KCNH7: variants seen among roughly 807,000 people sequenced by gnomAD.
The protein encoded by KCNH7 is potassium voltage-gated channel subfamily H member 7.
A neutral mutation model predicts 120.8 loss-of-function variants in KCNH7; 49 were observed. The ratio of observed to expected loss-of-function variants is 0.41; its 90% confidence interval spans 0.32 to 0.51. The LOEUF is 0.51. KCNH7 is among the 20% of genes least tolerant of loss of function. The probability of loss-of-function intolerance (pLI) is 0.38; values close to 1 mark genes in which losing one functional copy is unlikely to be tolerated. For missense variants in KCNH7, 1,097 were observed against 1,446.6 expected (o/e 0.76, Z 3.92); for synonymous variants, 547 against 516.1 (o/e 1.06, Z -0.81).
In KCNH7 at chr2:162,689,143, CTAT is replaced by C. The variant is rs148007770; in HGVS notation, c.307+147391_307+147393del. Among the ~76,000 whole-genome samples, 307 of 149,736 alleles carry C rather than the reference CTAT, an allele frequency of 2.1e-3. 1 individual carries two copies. Among genetic ancestry groups the C allele is most frequent in the South Asian group, 5.1e-3 (24 of 4,708 alleles). ...TTCATTATTGTATTACATTTAGTTA[CTAT>C]TATTATTATTATTATTATTATTTGA... On this transcript the variant is annotated intron_variant, in intron 2 of 15. Coordinates refer to ENST00000332142, the MANE Select transcript of KCNH7 (RefSeq NM_033272.4).
At chr2:162,491,202 G>A (rs1281436584) in intron 6 of KCNH7, among the ~76,000 whole-genome samples, 5 of 152,210 alleles carry the variant, frequency 3.3e-5, no homozygotes, top group Non-Finnish European at 7.3e-5. Context: ...AAGATTAAGA[G>A]TTTCTCTCCC....
chr2:162,734,316 A>C (rs1206456495), intron 2 of KCNH7, among the ~76,000 whole-genome samples: 1 of 152,142 alleles, frequency 6.6e-6, no homozygotes, highest in African/African-American at 2.4e-5. Flanking sequence ...TATTATCTGT[A>C]AAAGAATTAA....
chr2:162,644,998 T>G (rs1406247942), intron 2 of KCNH7, among the ~76,000 whole-genome samples: 5 of 152,220 alleles, frequency 3.3e-5, no homozygotes, highest in Non-Finnish European at 5.9e-5. Flanking sequence ...ATTACCATTT[T>G]GCCTACTTAT....
At chr2:162,537,801 A>G (rs944668269) in intron 2 of KCNH7, among the ~76,000 whole-genome samples, 14 of 152,100 alleles carry the variant, frequency 9.2e-5, no homozygotes, top group Non-Finnish European at 2.9e-5. Context: ...AAATGAAATA[A>G]ACAAAGGTAT....
intron 2 of KCNH7, among the ~76,000 whole-genome samples, chr2:162,653,185 T>G (rs893383945): frequency 6.6e-6 from 1 of 152,230 alleles, no homozygotes; most frequent in Non-Finnish European, 1.5e-5. Flanking sequence ...GATACTGTGA[T>G]GAACTCAACA....
intron 6 of KCNH7, among the ~76,000 whole-genome samples, chr2:162,468,216 T>C (rs887993089): frequency 6.6e-6 from 1 of 152,140 alleles, no homozygotes; most frequent in African/African-American, 2.4e-5. Context: ...GGAGTCTGAT[T>C]ACTGGGCATC....
At chr2:162,442,561 A>G (rs1573963655) in intron 7 of KCNH7, among the ~76,000 whole-genome samples, 1 of 152,040 alleles carries the variant, frequency 6.6e-6, no homozygotes, top group Non-Finnish European at 1.5e-5. Flanking sequence ...GCTTTGATGG[A>G]TAGAAAACAT....
chr2:162,556,856 T>A (rs77500826), intron 2 of KCNH7, among the ~76,000 whole-genome samples: 72 of 152,334 alleles, frequency 4.7e-4, no homozygotes, highest in African/African-American at 1.7e-3. Context: ...AGCATTACTA[T>A]GAGGAAACTA....
At chr2:162,546,067 A>T (rs759509175) in intron 2 of KCNH7, among the ~76,000 whole-genome samples, 1 of 152,136 alleles carries the variant, frequency 6.6e-6, no homozygotes, top group Non-Finnish European at 1.5e-5. Context: ...ATCAGGAAGA[A>T]CTCTCACACA....
At chr2:162,823,583 T>C (rs1048428166) in intron 2 of KCNH7, among the ~76,000 whole-genome samples, 2 of 152,226 alleles carry the variant, frequency 1.3e-5, no homozygotes, top group Admixed American at 1.3e-4. Flanking sequence ...TGCCTGGTTA[T>C]ACTATAACAT....
chr2:162,549,803 G>T (rs534041859), intron 2 of KCNH7, among the ~76,000 whole-genome samples: 1 of 152,252 alleles, frequency 6.6e-6, no homozygotes, highest in Non-Finnish European at 1.5e-5. Flanking sequence ...TAATAAAACA[G>T]ATAATATTGT....
In KCNH7 at chr2:162,534,190, C is replaced by T. The variant is rs746433412; in HGVS notation, c.463+2735G>A. Among the ~76,000 whole-genome samples the T allele has an allele frequency of 1.3e-3, 195 of 151,146 alleles. 6 individuals carry two copies. In the Middle Eastern group the frequency reaches 0.018, roughly 14 times the overall value. ...AGATAAAAATATATAGCCTTAAAAT[C>T]ATATACCAAAAAACTGAAAGAATGA... is the stretch of plus-strand genomic sequence containing the variant. On this transcript the variant is annotated intron_variant, in intron 3 of 15. Transcript: ENST00000332142.
intron 2 of KCNH7, among the ~76,000 whole-genome samples, chr2:162,638,879 A>G (rs909345850): frequency 3.3e-5 from 5 of 152,152 alleles, no homozygotes; most frequent in Admixed American, 6.6e-5. Flanking sequence ...GGTGAACTGC[A>G]AGCTATTTTT....
At chr2:162,785,583 T>G (rs571283698) in intron 2 of KCNH7, among the ~76,000 whole-genome samples, 1 of 152,302 alleles carries the variant, frequency 6.6e-6, no homozygotes, top group Non-Finnish European at 1.5e-5. Context: ...CAAATCTAAC[T>G]TGCTTTAAAT....
intron 9 of KCNH7, among the ~76,000 whole-genome samples, chr2:162,403,793 T>C (rs1687130207): frequency 6.6e-6 from 1 of 151,968 alleles, no homozygotes; most frequent in African/African-American, 2.4e-5. Context: ...GTCTGATTAG[T>C]TCTATAGTTT....
chr2:162,410,179 A>C (rs1214411288), intron 9 of KCNH7, among the ~76,000 whole-genome samples: 1 of 152,092 alleles, frequency 6.6e-6, no homozygotes, highest in Non-Finnish European at 1.5e-5. Flanking sequence ...ACTTCAAACT[A>C]TACTACAAGG....
At chr2:162,474,579 A>G (rs1689668622) in intron 6 of KCNH7, among the ~76,000 whole-genome samples, 1 of 152,166 alleles carries the variant, frequency 6.6e-6, no homozygotes, top group Non-Finnish European at 1.5e-5. Context: ...CTTCATATGG[A>G]TACAATATAG....
intron 3 of KCNH7, chr2:162,527,950 T>C (rs976383975): frequency 6.6e-6 from 1 of 151,958 alleles, no homozygotes; most frequent in African/African-American, 2.4e-5. Flanking sequence ...TGACCTGAAG[T>C]GTTTGTTAAA....
At chr2:162,457,360 A>G (rs927472047) in intron 6 of KCNH7, among the ~76,000 whole-genome samples, 2 of 152,132 alleles carry the variant, frequency 1.3e-5, no homozygotes, top group Non-Finnish European at 2.9e-5. Flanking sequence ...AAAAAAGGGA[A>G]ACTCCATGGC....
Sources: gnomAD v4.1 joint callset for allele counts (sites outside exome capture counted in the v4.1 genomes callset) on GRCh38, gnomAD v4.1.1 for gene constraint, MANE v1.5 for transcripts, NCBI Gene and HGNC (gene_info 2026-07-23, HGNC 2026-07-21) for gene names.